RNF20: variants seen among roughly 807,000 people sequenced by gnomAD.
RNF20 encodes E3 ubiquitin-protein ligase BRE1A.
Under a neutral mutation model 126.2 loss-of-function variants are expected in RNF20, and 84 were observed. The observed-to-expected ratio is 0.67, with a 90% CI of 0.56 to 0.80. RNF20 has a LOEUF of 0.80. Ranked by LOEUF, RNF20 falls within the 30% of genes least tolerant of loss-of-function variation. The probability of loss-of-function intolerance (pLI) is 0.00; values close to 1 mark genes in which losing one functional copy is unlikely to be tolerated. For synonymous variants in RNF20, 400 were observed against 414.3 expected, an observed-to-expected ratio of 0.97 and a Z score of 0.42; for missense variants, 869 against 1,188.2, an observed-to-expected ratio of 0.73 and a Z score of 3.95.
At chr9:101,549,979 G>A (rs1292749760) in intron 9 of RNF20, among the ~76,000 whole-genome samples, 1 of 151,936 alleles carries the variant, frequency 6.6e-6, no homozygotes, top group East Asian at 1.9e-4. Context: ...TCGTGTCCTC[G>A]GTCTCTTGCC....
chr9:101,534,976 C>G (rs1277029190), intron 1 of RNF20, among the ~76,000 whole-genome samples: 4 of 149,858 alleles, frequency 2.7e-5, no homozygotes, highest in Non-Finnish European at 4.4e-5. Context: ...GGTGCGATCT[C>G]GGCTCACTGC....
At chr9:101,561,499 G>T in intron 18 of RNF20, 1 of 439,880 alleles carries the variant, frequency 2.3e-6, no homozygotes. Context: ...CAGCAGTAGA[G>T]GATTTTCAAG....
At chr9:101,547,275 T>C (rs2118700121) in intron 8 of RNF20, 61 bp downstream of exon 8, 1 of 1,599,278 alleles carries the variant, frequency 6.3e-7, no homozygotes. Flanking sequence ...CTTAGGTACT[T>C]AGGACTGTGT....
intron 6 of RNF20, among the ~76,000 whole-genome samples, chr9:101,545,290 C>A (rs1827330921): frequency 6.6e-6 from 1 of 152,156 alleles, no homozygotes; most frequent in Non-Finnish European, 1.5e-5. Context: ...TTTTCTGATA[C>A]TTCTGATGAT....
At chr9:101,554,975 T>C in intron 15 of RNF20, 132 bp downstream of exon 15, 1 of 554,334 alleles carries the variant, frequency 1.8e-6, no homozygotes, top group South Asian at 6.0e-5. Flanking sequence ...TTTTTGTGTG[T>C]GTGTTTTAAT....
At chr9:101,538,841 A>G (rs966012916) in intron 2 of RNF20, among the ~76,000 whole-genome samples, 3 of 152,076 alleles carry the variant, frequency 2.0e-5, no homozygotes, top group Non-Finnish European at 2.9e-5. Flanking sequence ...AAGTAAGACT[A>G]TTTTTCCACA....
chr9:101,554,823 A>C lies in RNF20; in HGVS notation c.2149A>C (p.Lys717Gln). ...VEEQIEYLQK[K>Q]LAMAKQEEEA... ...GGAGCAGATAGAATACCTACAGAAG[A>C]AGCTAGCCATGGCCAAGCAGGTGGA... The change falls in exon 15 of 20, where the codon AAG becomes CAG. Residue 717 changes from lysine to glutamine, a missense_variant. Physicochemically the swap from Lys to Gln is moderately conservative, Grantham distance 53. This residue lies in a region of RNF20 where 30 missense variants were observed against 75.2 expected (regional missense o/e 0.40). Transcript: ENST00000389120. The C allele has an allele frequency of 6.8e-7, 1 of 1,471,370 alleles. No individual in the cohort carries two copies. Among genetic ancestry groups the C allele is most frequent in the Non-Finnish European group, 9.1e-7 (1 of 1,100,616 alleles). 91.1% of individuals were successfully genotyped at this position (1,471,370 alleles called of 1,614,324 possible).
intron 16 of RNF20, among the ~76,000 whole-genome samples, chr9:101,558,709 A>C (rs1827577237): frequency 6.6e-6 from 1 of 152,102 alleles, no homozygotes. Flanking sequence ...TATTCTTTTG[A>C]GAATTGTATA....
intron 2 of RNF20, 68 bp from the exon 3 acceptor site, chr9:101,540,135 T>C (rs1827235957): frequency 7.0e-7 from 1 of 1,427,966 alleles, no homozygotes; most frequent in African/African-American, 1.4e-5. Context: ...AATTGTGACC[T>C]TGTTGAGTTT....
Position 101,546,972 on chromosome 9 carries a change from T to G in RNF20, c.894+6T>G. The G allele has an allele frequency of 6.2e-7, 1 of 1,613,974 alleles. No individual in the cohort carries two copies. The highest frequency in any genetic ancestry group is 8.5e-7 in the Non-Finnish European group (1 of 1,179,938). On this transcript the variant is annotated splice_donor_region_variant and intron_variant, in intron 7 of 19. Coordinates refer to ENST00000389120, the MANE Select transcript of RNF20 (RefSeq NM_019592.7). ...TAGCAGAAGTCCTAGAACGGGTCAG[T>G]GCTGTTTTATGGCTTGGAGACTAGA...
rs1041341365 is a variant in RNF20 at position 101,544,945 on chromosome 9, C to G, written c.747+60C>G. On this transcript the variant is annotated intron_variant, in intron 6 of 19. Coordinates refer to ENST00000389120, the MANE Select transcript of RNF20 (RefSeq NM_019592.7). The stretch of plus-strand genomic sequence containing the variant: ...GTGGGCTGTGGCAGATGTTGACTTA[C>G]AATTCTGAGCACCTCAAAGATTACC... The G allele has an allele frequency of 5.9e-6, 6 of 1,011,468 alleles. 1 individual carries two copies. Among genetic ancestry groups the G allele is most frequent in the Non-Finnish European group, 7.9e-6 (5 of 635,016 alleles). 62.7% of individuals were successfully genotyped at this position (1,011,468 alleles called of 1,614,324 possible).
Position 101,547,357 on chromosome 9 carries a change from G to A in RNF20, c.973-42G>A, listed in dbSNP as rs1225543825. The A allele has an allele frequency of 2.5e-6, 4 of 1,610,592 alleles. No individual in the cohort carries two copies. In the South Asian group the frequency reaches 4.4e-5, roughly 18 times the overall value. On this transcript the variant is annotated intron_variant, in intron 8 of 19. Transcript: ENST00000389120. ...GAAAGGAAGCTTAGAAATGATTTAA[G>A]AAGAATACTTATTTATTCTCTATTT...
Position 101,550,804 on chromosome 9 carries a change from CT to C in RNF20, c.1272+23del. ...TATTGAGGTAATAGCCTTGCCTTGT[CT>C]TTTGTATGTAAGCTTTCTTGCCTCC... On this transcript the variant is annotated intron_variant, in intron 10 of 19. Transcript: ENST00000389120. 1 of 1,610,926 alleles carries C rather than the reference CT, an allele frequency of 6.2e-7. No homozygotes were observed. The highest frequency in any genetic ancestry group is 8.5e-7 in the Non-Finnish European group (1 of 1,177,136).
At chr9:101,548,003 G>C (rs533505548) in intron 9 of RNF20, among the ~76,000 whole-genome samples, 1 of 152,228 alleles carries the variant, frequency 6.6e-6, no homozygotes, top group Admixed American at 6.5e-5. Context: ...AAAAACAATT[G>C]TGTGTCTATA....
At chr9:101,550,185 T>A (rs1827420419) in intron 9 of RNF20, among the ~76,000 whole-genome samples, 1 of 152,208 alleles carries the variant, frequency 6.6e-6, no homozygotes, top group African/African-American at 2.4e-5. Context: ...AGTGTTTGAG[T>A]AATTAAATCA....
chr9:101,541,817 A>G (rs1011976350), intron 5 of RNF20, among the ~76,000 whole-genome samples: 1 of 152,182 alleles, frequency 6.6e-6, no homozygotes, highest in Non-Finnish European at 1.5e-5. Flanking sequence ...AAAATATTCT[A>G]TGGATGAAAG....
In RNF20 at chr9:101,535,468, CT is replaced by C. The variant is rs1419523632; in HGVS notation, c.46del (p.Ser16ProfsTer22). 1 of 1,613,846 alleles carries C rather than the reference CT, an allele frequency of 6.2e-7. No homozygotes were observed. The highest frequency in any genetic ancestry group is 8.5e-7 in the Non-Finnish European group (1 of 1,179,908). ...NKRAAGEPGT[S>X]MPPEKKAAVE... ...AAAGAGCAGCTGGAGAACCTGGCAC[CT>C]CCATGCCTCCTGAGAAGAAGGCAGC... On this transcript the variant is annotated frameshift_variant, in exon 2 of 20. Coordinates refer to ENST00000389120, the MANE Select transcript of RNF20 (RefSeq NM_019592.7). LOFTEE classifies it high-confidence loss of function.
chr9:101,554,405 T>G (rs1195335941), intron 14 of RNF20, among the ~76,000 whole-genome samples: 1 of 152,160 alleles, frequency 6.6e-6, no homozygotes, highest in Non-Finnish European at 1.5e-5. Context: ...GAGGAATGTC[T>G]TATGCTCTTA....
intron 2 of RNF20, among the ~76,000 whole-genome samples, chr9:101,537,381 C>A (rs1164706619): frequency 2.0e-5 from 3 of 152,026 alleles, no homozygotes. Context: ...ATGAGAGGAG[C>A]AGATTTTTGG....
Sources: allele counts gnomAD v4.1 joint callset (sites outside exome capture counted in the v4.1 genomes callset), GRCh38; gene constraint gnomAD v4.1.1; regional missense constraint gnomAD v4.1.1; transcripts MANE v1.5; gene names NCBI Gene and HGNC (gene_info 2026-07-23, HGNC 2026-07-21).